ZNF528: variants seen among roughly 807,000 people sequenced by gnomAD.
The protein encoded by ZNF528 is zinc finger protein 528.
A neutral mutation model predicts 13.3 loss-of-function variants in ZNF528; 9 were observed. The ratio of observed to expected loss-of-function variants is 0.67; its 90% CI spans 0.41 to 1.18. The LOEUF is 1.18. Ranked by LOEUF, ZNF528 falls within the 50% of genes most tolerant of loss-of-function variation. The probability of loss-of-function intolerance (pLI) is 0.01; values close to 1 mark genes in which losing one functional copy is unlikely to be tolerated. For synonymous variants in ZNF528, 264 were observed against 254.3 expected, an observed-to-expected ratio of 1.04 and a Z score of -0.36; for missense variants, 858 against 745.4, an observed-to-expected ratio of 1.15 and a Z score of -1.76.
chr19:52,403,275 G>A (rs2058815786), intron 4 of ZNF528, among the ~76,000 whole-genome samples: 2 of 152,166 alleles, frequency 1.3e-5, no homozygotes, highest in Admixed American at 1.3e-4. Flanking sequence ...AGGTTATGGT[G>A]TGCTGTGAAT....
chr19:52,415,139 T>G lies in ZNF528; in HGVS notation c.287T>G (p.Leu96Trp), dbSNP rs2058983428. The G allele has an allele frequency of 6.2e-7, 1 of 1,608,372 alleles. No individual in the cohort carries two copies. Among genetic ancestry groups the G allele is most frequent in the Admixed American group, 1.7e-5 (1 of 59,062 alleles). ...TCTGTTTTAGAGAGGAGCTCTAAAT[T>G]GGGAAGTAATGCAGGAAACAAGCCT... ...KGVNTERSSK[L>W]GSNAGNKPCK... The change falls in exon 7 of 7, where the codon TTG (leucine) becomes TGG (tryptophan). Residue 96 changes from leucine (L) to tryptophan (W), a missense_variant. Leu to Trp is a moderately conservative substitution (Grantham distance 61). Coordinates refer to ENST00000360465, the MANE Select transcript of ZNF528 (RefSeq NM_032423.3).
chr19:52,405,255 G>T (rs1376979557), intron 4 of ZNF528, among the ~76,000 whole-genome samples: 1 of 151,812 alleles, frequency 6.6e-6, no homozygotes, highest in Non-Finnish European at 1.5e-5. Flanking sequence ...AGTAGGTTGG[G>T]TGTGGCGGCT....
chr19:52,415,061 C>CTT (rs60175454), intron 6 of ZNF528, 63 bp from the exon 7 acceptor site: 23,181 of 1,608,350 alleles, frequency 0.014, 401 homozygotes, highest in African/African-American at 0.083. Flanking sequence ...TCTAGACCCT[C>CTT]TGTCAGACAC....
chr19:52,407,635 G>A (rs1444868263), intron 6 of ZNF528, among the ~76,000 whole-genome samples: 1 of 151,988 alleles, frequency 6.6e-6, no homozygotes, highest in African/African-American at 2.4e-5. Context: ...AATCAACTGG[G>A]TGTAGTGGCA....
chr19:52,413,722 T>C (rs1415674473), intron 6 of ZNF528: 1 of 151,820 alleles, frequency 6.6e-6, no homozygotes, highest in East Asian at 1.9e-4. Context: ...TTGTTTTCAA[T>C]TGGATCTGTG....
At chr19:52,406,672 C>A in intron 6 of ZNF528, 29 bp downstream of exon 6, 1 of 1,583,872 alleles carries the variant, frequency 6.3e-7, no homozygotes, top group South Asian at 1.2e-5. Flanking sequence ...AGAGTGGAGG[C>A]CCCATAATTT....
At position 52,415,707 on chromosome 19, in the gene ZNF528, A is replaced by G. The variant is rs2058992359; in HGVS notation, c.855A>G (p.Ala285=). 1 of 1,614,128 alleles carries G rather than the reference A, an allele frequency of 6.2e-7. No individual in the cohort carries two copies. Among genetic ancestry groups the G allele is most frequent in the Non-Finnish European group, 8.5e-7 (1 of 1,179,968 alleles). ...DKVFRSSSKL[A]QHQRIHTGEK... ...TCTTTCGAAGCAGTTCAAAGCTTGC[A>G]CAACATCAAAGAATTCATACTGGAG... Residue 285 remains alanine, a synonymous_variant, in exon 7 of 7, where the codon GCA becomes GCG. Coordinates refer to ENST00000360465, the MANE Select transcript of ZNF528 (RefSeq NM_032423.3).
intron 2 of ZNF528, among the ~76,000 whole-genome samples, chr19:52,399,981 T>C (rs915619709): frequency 2.0e-5 from 3 of 152,106 alleles, no homozygotes; most frequent in African/African-American, 7.2e-5. Context: ...TTTTCCTGTC[T>C]CAAACAGTAA....
chr19:52,416,336 G>T lies in ZNF528; in HGVS notation c.1484G>T (p.Cys495Phe), dbSNP rs770758972. 1.2e-6 allele frequency: 2 copies of T among 1,614,072 alleles called. No homozygotes were observed. Among genetic ancestry groups the T allele is most frequent in the South Asian group, 1.1e-5 (1 of 91,076 alleles). ...RIHTGEKPYK[C>F]NRCGKVFSRS... ...CATACTGGAGAGAAGCCTTACAAAT[G>T]TAACAGATGTGGCAAGGTCTTCAGT... Residue 495 changes from cysteine (C) to phenylalanine (F), a missense_variant, in exon 7 of 7, where the codon TGT becomes TTT. Transcript: ENST00000360465.
intron 6 of ZNF528, among the ~76,000 whole-genome samples, chr19:52,409,075 A>G (rs1009830261): frequency 2.0e-5 from 3 of 151,914 alleles, no homozygotes; most frequent in East Asian, 3.9e-4. Context: ...TGTTTTGCCT[A>G]TTTTTCTTTA....
chr19:52,416,418 A>T lies in ZNF528; in HGVS notation c.1566A>T (p.Lys522Asn), dbSNP rs746735145. 8 of 1,614,140 alleles carry T rather than the reference A, an allele frequency of 5.0e-6. No individual in the cohort carries two copies. ...QKIHTGEKPY[K>N]CNQCGKVFNQ... ...TTCATACAGGAGAAAAGCCTTACAA[A>T]TGTAATCAATGTGGCAAGGTCTTTA... The change falls in exon 7 of 7, where the codon AAA becomes AAT. Residue 522 changes from lysine to asparagine, a missense_variant. By Grantham distance (94) the Lys-to-Asn change is moderately conservative. Coordinates refer to ENST00000360465, the MANE Select transcript of ZNF528 (RefSeq NM_032423.3).
chr19:52,407,284 G>A (rs1448940124), intron 6 of ZNF528, among the ~76,000 whole-genome samples: 2 of 152,058 alleles, frequency 1.3e-5, no homozygotes, highest in Non-Finnish European at 2.9e-5. Flanking sequence ...GACTGCAGGT[G>A]TACGCCACCA....
At chr19:52,409,615 TTTTG>T (rs923473664) in intron 6 of ZNF528, among the ~76,000 whole-genome samples, 12 of 152,274 alleles carry the variant, frequency 7.9e-5, no homozygotes, top group African/African-American at 2.2e-4. Context: ...ATTTGGGTTT[TTTTG>T]TTTGTTTGTT....
intron 6 of ZNF528, chr19:52,411,890 G>A (rs916840548): frequency 6.6e-5 from 10 of 152,146 alleles, no homozygotes; most frequent in African/African-American, 1.9e-4. Context: ...ACATAAGACT[G>A]GAAAGTACCT....
rs1305870580 is a variant in ZNF528 at position 52,416,055 on chromosome 19, A to G, written c.1203A>G (p.Arg401=). The change falls in exon 7 of 7, where the codon AGA becomes AGG. Residue 401 remains arginine (R), a synonymous_variant. Coordinates refer to ENST00000360465, the MANE Select transcript of ZNF528 (RefSeq NM_032423.3). ...AGTGTTTCCTGACCTCTCATCAGAG[A>G]ATTCATACTAGAGAGAGACCTTATG... is the stretch of plus-strand genomic sequence containing the variant. ...GRKCFLTSHQ[R]IHTRERPYGC... 18 of 1,614,104 alleles carry G rather than the reference A, an allele frequency of 1.1e-5. No individual in the cohort carries two copies. Among genetic ancestry groups the G allele is most frequent in the Non-Finnish European group, 1.5e-5 (18 of 1,180,038 alleles).
At chr19:52,405,520 T>C (rs562201116) in intron 4 of ZNF528, among the ~76,000 whole-genome samples, 1 of 152,128 alleles carries the variant, frequency 6.6e-6, no homozygotes, top group East Asian at 1.9e-4. Flanking sequence ...GACAGAGTGA[T>C]ACCCTGTCTC....
chr19:52,413,986 A>C (rs1008430886), intron 6 of ZNF528: 6 of 488,392 alleles, frequency 1.2e-5, no homozygotes, highest in African/African-American at 1.2e-4. Context: ...AATTAACCTG[A>C]GTTCCAGGCT....
At position 52,416,744 on chromosome 19, in the gene ZNF528, C is replaced by A. The variant is rs1288430016; in HGVS notation, c.*5C>A. ...CATCAGAGAGTTCATTCATGAGAGTCCCTACAAACTGTATGGCAAAACCAT... is the reference window on the plus strand; with the variant it reads ...CATCAGAGAGTTCATTCATGAGAGTACCTACAAACTGTATGGCAAAACCAT... On this transcript the variant is annotated 3_prime_UTR_variant, in exon 7 of 7. Coordinates refer to ENST00000360465, the MANE Select transcript of ZNF528 (RefSeq NM_032423.3). The A allele has an allele frequency of 1.3e-6, 2 of 1,500,124 alleles. No homozygotes were observed. The highest frequency in any genetic ancestry group is 1.2e-5 in the South Asian group (1 of 86,550). The allele number at this position is 1,500,124 out of a possible 1,614,324, so 92.9% of individuals were successfully genotyped here. A position where few individuals can be genotyped will look rare whatever the true frequency, so the allele number is the denominator to read the frequency against.
At chr19:52,405,666 A>AT (rs71180458) in intron 4 of ZNF528, among the ~76,000 whole-genome samples, 108,488 of 151,568 alleles carry the variant, frequency 0.72, 41,189 homozygotes, top group Non-Finnish European at 0.86. Context: ...CCCTGGATTA[A>AT]TTTTTTTTGT....
Sources: gnomAD v4.1 joint callset for allele counts (sites outside exome capture counted in the v4.1 genomes callset) on GRCh38, gnomAD v4.1.1 for gene constraint, MANE v1.5 for transcripts, NCBI Gene and HGNC (gene_info 2026-07-23, HGNC 2026-07-21) for gene names.